The following CTNND2 variants were observed in gnomAD, a reference collection of about 807,000 sequenced individuals.
CTNND2 encodes catenin delta 2.
In CTNND2, 22 loss-of-function variants were observed where a neutral mutation model predicts 144.4. The observed-to-expected ratio is 0.15, with a 90% CI of 0.11 to 0.22. The LOEUF (loss-of-function observed/expected upper bound fraction) is 0.22, where lower values mean the gene tolerates loss of function less well. CTNND2 is among the 10% of genes least tolerant of loss of function. The probability of loss-of-function intolerance (pLI) is 1.00; values close to 1 mark genes in which losing one functional copy is unlikely to be tolerated. For synonymous variants in CTNND2, 751 were observed against 695.6 expected (o/e 1.08, Z -1.25); for missense variants, 1,353 against 1,618.8 (o/e 0.84, Z 2.82).
chr5:11,819,430 AAGACAGACAGAC>A (rs57457496), intron 1 of CTNND2, among the ~76,000 whole-genome samples: 38 of 151,788 alleles, frequency 2.5e-4, no homozygotes, highest in African/African-American at 6.5e-4. Context: ...GCAAGATTCC[AAGACAGACAGAC>A]AGACAGACAG....
chr5:11,536,163 A>C (rs1464181066), intron 3 of CTNND2, among the ~76,000 whole-genome samples: 1 of 152,200 alleles, frequency 6.6e-6, no homozygotes, highest in African/African-American at 2.4e-5. Context: ...TAGTGGGCTC[A>C]AACAATCCTC....
chr5:11,518,886 C>G (rs1458181331), intron 3 of CTNND2, among the ~76,000 whole-genome samples: 1 of 152,146 alleles, frequency 6.6e-6, no homozygotes, highest in Non-Finnish European at 1.5e-5. Context: ...TCTCAGAACT[C>G]AGGACTTATC....
intron 9 of CTNND2, among the ~76,000 whole-genome samples, chr5:11,239,798 C>T (rs1485716253): frequency 2.0e-5 from 3 of 152,288 alleles, no homozygotes; most frequent in Non-Finnish European, 2.9e-5. Flanking sequence ...ACAACTTCCT[C>T]GGGGAATCCC....
chr5:11,069,600 A>G (rs1748004362), intron 16 of CTNND2, among the ~76,000 whole-genome samples: 2 of 152,120 alleles, frequency 1.3e-5, no homozygotes, highest in Admixed American at 6.5e-5. Flanking sequence ...TAGTACAATG[A>G]TCCAAAAAGC....
intron 9 of CTNND2, among the ~76,000 whole-genome samples, chr5:11,299,701 G>T (rs1749382815): frequency 6.6e-6 from 1 of 152,170 alleles, no homozygotes; most frequent in Admixed American, 6.5e-5. Flanking sequence ...AGGTGTGTCT[G>T]ATTTTTGCTG....
intron 3 of CTNND2, among the ~76,000 whole-genome samples, chr5:11,530,535 C>T (rs1190834732): frequency 6.6e-6 from 1 of 152,146 alleles, no homozygotes; most frequent in Non-Finnish European, 1.5e-5. Flanking sequence ...GGGACAGGCA[C>T]AGCCAGTCTT....
chr5:11,304,557 T>C (rs1183504104), intron 9 of CTNND2, among the ~76,000 whole-genome samples: 3 of 152,240 alleles, frequency 2.0e-5, no homozygotes, highest in African/African-American at 7.2e-5. Flanking sequence ...AAACTACAAA[T>C]ATAAAATCAG....
chr5:11,761,803 T>A (rs1329451516), intron 1 of CTNND2, among the ~76,000 whole-genome samples: 1 of 152,202 alleles, frequency 6.6e-6, no homozygotes, highest in African/African-American at 2.4e-5. Context: ...TGCACTATTT[T>A]ATACAAAAAA....
At chr5:11,094,324 G>A (rs1751102414) in intron 15 of CTNND2, among the ~76,000 whole-genome samples, 2 of 152,102 alleles carry the variant, frequency 1.3e-5, no homozygotes, top group Admixed American at 1.3e-4. Context: ...TCGCAGAGTA[G>A]ATGGAACAGC....
intron 9 of CTNND2, among the ~76,000 whole-genome samples, chr5:11,298,506 TG>T (rs1749249610): frequency 6.6e-6 from 1 of 152,182 alleles, no homozygotes; most frequent in African/African-American, 2.4e-5. Flanking sequence ...AGCTTAGGAG[TG>T]AATGTATTAA....
At chr5:11,210,981 T>C (rs1180633228) in intron 10 of CTNND2, among the ~76,000 whole-genome samples, 2 of 152,136 alleles carry the variant, frequency 1.3e-5, no homozygotes, top group Non-Finnish European at 2.9e-5. Flanking sequence ...GGAGGCGGCT[T>C]TACTGAAAGA....
chr5:11,883,040 T>C (rs961749233), intron 1 of CTNND2, among the ~76,000 whole-genome samples: 7 of 152,140 alleles, frequency 4.6e-5, no homozygotes, highest in African/African-American at 1.7e-4. Flanking sequence ...TTGTCAAATG[T>C]ATTCCTAAGA....
intron 2 of CTNND2, among the ~76,000 whole-genome samples, chr5:11,636,028 C>T (rs2126485285): frequency 8.5e-6 from 1 of 117,456 alleles, no homozygotes; most frequent in South Asian, 3.1e-4. Context: ...GGTTTAATCC[C>T]CCCCCACCCC....
rs960934519 is a variant in CTNND2 at position 10,973,502 on chromosome 5, A to G, written c.3629T>C (p.Leu1210Pro). ...FYSAARPYSELNYETSHYPAS... is the reference protein window; with the variant it reads ...FYSAARPYSEPNYETSHYPAS... ...CGGGTAGTGGCTCGTTTCATAGTTC[A>G]GTTCACTGTAGGGACGGGCAGCTGA... The change falls in exon 22 of 22, where the codon CTG becomes CCG. Residue 1210 changes from leucine (L) to proline (P), a missense_variant. Physicochemically the swap from Leu to Pro is moderately conservative, Grantham distance 98. Transcript: ENST00000304623. This position sits in a 1 kb window ranked among gnomAD's most constrained non-coding sequence, Gnocchi z 5.6. The G allele has an allele frequency of 2.5e-6, 4 of 1,609,800 alleles. No homozygotes were observed. The highest frequency in any genetic ancestry group is 3.4e-6 in the Non-Finnish European group (4 of 1,177,768).
chr5:11,718,350 C>G (rs1455377036), intron 2 of CTNND2, among the ~76,000 whole-genome samples: 1 of 152,130 alleles, frequency 6.6e-6, no homozygotes, highest in South Asian at 2.1e-4. Flanking sequence ...TTTCTGGAAA[C>G]CCCAGAACTT....
intron 1 of CTNND2, among the ~76,000 whole-genome samples, chr5:11,860,951 A>C (rs1404159239): frequency 1.3e-5 from 2 of 152,204 alleles, no homozygotes; most frequent in Non-Finnish European, 2.9e-5. Context: ...AAAGGTAAAT[A>C]ATGTTTTCAG....
At chr5:11,858,507 A>G (rs1412599621) in intron 1 of CTNND2, among the ~76,000 whole-genome samples, 1 of 152,234 alleles carries the variant, frequency 6.6e-6, no homozygotes, top group Non-Finnish European at 1.5e-5. Flanking sequence ...TTTACCAACT[A>G]TATTGCTCTA....
chr5:11,038,466 C>T (rs1265489177), intron 16 of CTNND2, among the ~76,000 whole-genome samples: 5 of 152,150 alleles, frequency 3.3e-5, no homozygotes, highest in African/African-American at 9.7e-5. Context: ...TCTTCCCCAC[C>T]GACCTCAGTC....
chr5:11,740,261 G>T (rs1787926532), intron 1 of CTNND2, among the ~76,000 whole-genome samples: 1 of 152,126 alleles, frequency 6.6e-6, no homozygotes, highest in African/African-American at 2.4e-5. Context: ...AACAAAGCTG[G>T]AGGCATCACA....
Sources: gnomAD v4.1 joint callset for allele counts (sites outside exome capture counted in the v4.1 genomes callset) on GRCh38, gnomAD v4.1.1 for gene constraint, Gnocchi (gnomAD v3.1) non-coding constraint, MANE v1.5 for transcripts, NCBI Gene and HGNC (gene_info 2026-07-23, HGNC 2026-07-21) for gene names.